The following C4orf36 variants were observed in gnomAD, a reference collection of about 807,000 sequenced individuals.
The protein encoded by C4orf36 is uncharacterized protein C4orf36.
In C4orf36, 11 loss-of-function variants were observed where a neutral mutation model predicts 12.2. That is an observed-to-expected ratio of 0.90 (90% confidence interval 0.57 to 1.49). The LOEUF (loss-of-function observed/expected upper bound fraction) is 1.49, where lower values mean the gene tolerates loss of function less well. Among genes scored for constraint, C4orf36 ranks in the 40% most tolerant of loss-of-function variants. The pLI, the probability that C4orf36 is intolerant of heterozygous loss-of-function variation, is 0.00. For missense variants in C4orf36, 137 were observed against 133.9 expected, an observed-to-expected ratio of 1.02 and a Z score of -0.11; for synonymous variants, 54 against 51.3, an observed-to-expected ratio of 1.05 and a Z score of -0.22.
rs12504327 is a variant in C4orf36 at position 86,876,722 on chromosome 4, T to G, written c.*3-279A>C. 3.2e-3 allele frequency: 4,980 copies of G among 1,559,948 alleles called. 277 individuals carry two copies. The Admixed American group carries it at 0.088, about 28-fold the overall frequency. The stretch of plus-strand genomic sequence containing the variant: ...TGGGTGATCTTTACTATTCAGAATT[T>G]AGGAAAGTTCTCTGGCTGTTGCATC... On this transcript the variant is annotated intron_variant, in intron 4 of 4. Coordinates refer to ENST00000295898, the MANE Select transcript of C4orf36 (RefSeq NM_144645.4).
the C4orf36 span, among the ~76,000 whole-genome samples, chr4:86,919,524 C>T: frequency 6.6e-6 from 1 of 151,642 alleles, no homozygotes; most frequent in African/African-American, 2.4e-5. Context: ...GGGGTTTCAC[C>T]ATGTTGGCCA....
intron 2 of C4orf36, among the ~76,000 whole-genome samples, chr4:86,889,265 A>G (rs1276119589): frequency 6.6e-6 from 1 of 151,394 alleles, no homozygotes; most frequent in African/African-American, 2.4e-5. Context: ...TTCTGAACCC[A>G]GCTTGAACCC....
At position 86,876,295 on chromosome 4, in the gene C4orf36, G is replaced by A. The variant is rs756630696; in HGVS notation, c.*151C>T. 1.7e-6 allele frequency: 2 copies of A among 1,166,938 alleles called. No homozygotes were observed. Among genetic ancestry groups the A allele is most frequent in the Non-Finnish European group, 2.3e-6 (2 of 851,574 alleles). The allele number at this position is 1,166,938 out of a possible 1,614,324, so 72.3% of individuals were successfully genotyped here. On this transcript the variant is annotated 3_prime_UTR_variant, in exon 5 of 5. Coordinates refer to ENST00000295898, the MANE Select transcript of C4orf36 (RefSeq NM_144645.4). ...TAAGAGATTTTCTCGGTCTCTGGGC[G>A]GGCCGTGGGAGGCTTCCTGAGGTGG... is the stretch of plus-strand genomic sequence containing the variant.
chr4:86,881,652 G>T (rs983199123), intron 4 of C4orf36, among the ~76,000 whole-genome samples: 4 of 151,810 alleles, frequency 2.6e-5, no homozygotes. Context: ...GCATTCTATT[G>T]TGGATCTTTC....
chr4:86,892,047 G>A (rs1447977508), intron 1 of C4orf36, 136 bp downstream of exon 1: 2 of 986,272 alleles, frequency 2.0e-6, no homozygotes, highest in African/African-American at 1.7e-5. Context: ...ACGCCGATTC[G>A]GGGCGAGTCC....
At chr4:86,898,035 A>G in the C4orf36 span, among the ~76,000 whole-genome samples, 2 of 152,216 alleles carry the variant, frequency 1.3e-5, no homozygotes, top group East Asian at 3.8e-4. Context: ...AAAGCAAAGG[A>G]TTTACCTGCT....
intron 4 of C4orf36, among the ~76,000 whole-genome samples, chr4:86,881,338 T>C (rs546727184): frequency 1.3e-5 from 2 of 152,350 alleles, no homozygotes; most frequent in East Asian, 3.9e-4. Context: ...AAAAATGGTA[T>C]ATTTGTTCAT....
the C4orf36 span, among the ~76,000 whole-genome samples, chr4:86,903,277 C>T: frequency 6.6e-6 from 1 of 152,136 alleles, no homozygotes. Flanking sequence ...TTTGGGAGGC[C>T]GAGGCCGGTG....
At chr4:86,926,115 G>A in the C4orf36 span, 1 of 152,274 alleles carries the variant, frequency 6.6e-6, no homozygotes, top group Admixed American at 6.5e-5. Context: ...CTGACCTCAG[G>A]TGATCTGCCC....
In C4orf36 at chr4:86,892,285, G is replaced by A. The variant is rs1747452968; in HGVS notation, c.-176C>T. 14 of 985,646 alleles carry A rather than the reference G, an allele frequency of 1.4e-5. No homozygotes were observed. Among genetic ancestry groups the A allele is most frequent in the East Asian group, 1.1e-4 (1 of 8,834 alleles). The allele number at this position is 985,646 out of a possible 1,614,324, so 61.1% of individuals were successfully genotyped here. ...CCGGCGCCGGCGGCCTGGTTACCCG[G>A]GCTCCAGGGGCTCGGAGGGTCGCGG... On this transcript the variant is annotated 5_prime_UTR_variant, in exon 1 of 5. Transcript: ENST00000295898.
chr4:86,888,092 C>T (rs1205929646), intron 3 of C4orf36, 29 bp downstream of exon 3: 3 of 1,600,308 alleles, frequency 1.9e-6, no homozygotes, highest in Non-Finnish European at 2.6e-6. Context: ...GAATTTATAA[C>T]TTATTAAAGC....
intron 4 of C4orf36, chr4:86,886,468 T>C (rs1307068817): frequency 6.6e-6 from 1 of 152,160 alleles, no homozygotes; most frequent in African/African-American, 2.4e-5. Flanking sequence ...GAACAGACAC[T>C]TCTCAAAAGA....
chr4:86,881,032 C>CA (rs35264730), intron 4 of C4orf36, among the ~76,000 whole-genome samples: 8,241 of 102,848 alleles, frequency 0.08, 337 homozygotes, highest in Non-Finnish European at 0.11. Flanking sequence ...GATTCCGCCT[C>CA]AAAAAAAAAA....
intron 4 of C4orf36, chr4:86,886,861 C>T (rs1578776859): frequency 1.3e-5 from 2 of 152,264 alleles, no homozygotes; most frequent in African/African-American, 4.8e-5. Context: ...TTGGAACCAA[C>T]CCAAATGTCC....
chr4:86,913,910 ACT>A, the C4orf36 span: 2 of 1,244,506 alleles, frequency 1.6e-6, no homozygotes, highest in Non-Finnish European at 2.3e-6. Context: ...CTCACTACGA[ACT>A]CTCCCGGGCT....
At chr4:86,884,304 T>C (rs1302788356) in intron 4 of C4orf36, among the ~76,000 whole-genome samples, 16 of 148,032 alleles carry the variant, frequency 1.1e-4, no homozygotes, top group Admixed American at 1.4e-4. Flanking sequence ...ACTGAATTTT[T>C]TTTTTTTTTT....
At chr4:86,935,941 A>T in the C4orf36 span, 1 of 152,274 alleles carries the variant, frequency 6.6e-6, no homozygotes, top group East Asian at 1.9e-4. Context: ...CGCCGGAGCC[A>T]GCGAATGAGA....
At chr4:86,889,480 G>A (rs1578779204) in intron 2 of C4orf36, among the ~76,000 whole-genome samples, 1 of 152,270 alleles carries the variant, frequency 6.6e-6, no homozygotes, top group East Asian at 1.9e-4. Context: ...CAATAAAACA[G>A]TTATTGTTTA....
At chr4:86,914,067 C>T in the C4orf36 span, 27 of 1,610,572 alleles carry the variant, frequency 1.7e-5, no homozygotes, top group East Asian at 2.2e-4. Context: ...GACTGTGGAG[C>T]GAATTGGCTT....
Sources: gnomAD v4.1 joint callset for allele counts (sites outside exome capture counted in the v4.1 genomes callset) on GRCh38, gnomAD v4.1.1 for gene constraint, MANE v1.5 for transcripts, NCBI Gene and HGNC (gene_info 2026-07-23, HGNC 2026-07-21) for gene names.